FGF14: variants seen among roughly 807,000 people sequenced by gnomAD.
FGF14 encodes fibroblast growth factor 14.
Under a neutral mutation model 25.5 loss-of-function variants are expected in FGF14, and 5 were observed. The observed-to-expected ratio is 0.20, with a 90% CI of 0.10 to 0.41. The LOEUF is 0.41. Ranked by LOEUF, FGF14 falls within the 10% of genes least tolerant of loss-of-function variation. FGF14 has a pLI of 1.00. For synonymous variants in FGF14, 138 were observed against 118.3 expected, an observed-to-expected ratio of 1.17 and a Z score of -1.08; for missense variants, 222 against 320.1, an observed-to-expected ratio of 0.69 and a Z score of 2.34.
intron 3 of FGF14, among the ~76,000 whole-genome samples, chr13:101,747,555 A>G (rs1345941354): frequency 6.6e-6 from 1 of 152,044 alleles, no homozygotes; most frequent in African/African-American, 2.4e-5. Context: ...ATGATGAAGA[A>G]AACGACAAAA....
At chr13:101,985,110 A>G (rs2038499062) in intron 1 of FGF14, among the ~76,000 whole-genome samples, 1 of 151,468 alleles carries the variant, frequency 6.6e-6, no homozygotes, top group Admixed American at 6.6e-5. Context: ...AACAGCAACA[A>G]AAAATTATCT....
chr13:101,820,368 CAG>C (rs2042052142), intron 3 of FGF14, among the ~76,000 whole-genome samples: 1 of 151,928 alleles, frequency 6.6e-6, no homozygotes, highest in African/African-American at 2.4e-5. Flanking sequence ...TCATGGAAAA[CAG>C]ATTAAAATAA....
intron 1 of FGF14, among the ~76,000 whole-genome samples, chr13:102,291,760 T>G (rs1051181049): frequency 3.9e-5 from 6 of 152,128 alleles, no homozygotes; most frequent in African/African-American, 4.8e-5. Context: ...TACGTACACC[T>G]GAAAGGATTC....
intron 1 of FGF14, among the ~76,000 whole-genome samples, chr13:102,206,507 C>G (rs1373465456): frequency 2.0e-5 from 3 of 152,014 alleles, no homozygotes; most frequent in Non-Finnish European, 2.9e-5. Context: ...ATGATGAAAA[C>G]CTGTCTCCAC....
chr13:102,147,635 A>G (rs1265139338), intron 1 of FGF14, among the ~76,000 whole-genome samples: 2 of 152,210 alleles, frequency 1.3e-5, no homozygotes, highest in African/African-American at 4.8e-5. Context: ...ACTTTCTGGT[A>G]CTACCTATTT....
At chr13:102,072,399 A>G (rs1389168274) in intron 1 of FGF14, among the ~76,000 whole-genome samples, 4 of 152,198 alleles carry the variant, frequency 2.6e-5, no homozygotes, top group African/African-American at 4.8e-5. Flanking sequence ...ATGGAGGGCA[A>G]AGTATCACTC....
intron 1 of FGF14, among the ~76,000 whole-genome samples, chr13:102,208,943 G>T (rs76739986): frequency 1.3e-5 from 2 of 152,174 alleles, no homozygotes; most frequent in African/African-American, 4.8e-5. Context: ...AAATTTAAAT[G>T]ATTCTTTTCA....
chr13:102,227,818 G>T (rs1201923077), intron 1 of FGF14, among the ~76,000 whole-genome samples: 1 of 152,066 alleles, frequency 6.6e-6, no homozygotes, highest in African/African-American at 2.4e-5. Context: ...CATTGTGTTC[G>T]CAGAATAACA....
At chr13:101,904,126 G>A (rs901909891) in intron 1 of FGF14, among the ~76,000 whole-genome samples, 1 of 152,182 alleles carries the variant, frequency 6.6e-6, no homozygotes, top group African/African-American at 2.4e-5. Context: ...TGTTCAATGG[G>A]TTCATTGCAT....
At chr13:102,227,697 AG>A (rs550412557) in intron 1 of FGF14, among the ~76,000 whole-genome samples, 18 of 152,192 alleles carry the variant, frequency 1.2e-4, no homozygotes, top group Non-Finnish European at 2.2e-4. Flanking sequence ...CCTTCCCAAA[AG>A]GACTTCTTGC....
At chr13:101,985,743 A>G (rs1383414908) in intron 1 of FGF14, among the ~76,000 whole-genome samples, 3 of 152,154 alleles carry the variant, frequency 2.0e-5, no homozygotes, top group African/African-American at 4.8e-5. Context: ...AATAATTGCT[A>G]TTCAGTTTAC....
At chr13:101,916,292 C>A (rs1011195789) in intron 1 of FGF14, among the ~76,000 whole-genome samples, 161 bp downstream of exon 1, 1 of 152,224 alleles carries the variant, frequency 6.6e-6, no homozygotes, top group Non-Finnish European at 1.5e-5. Context: ...TGCCCGACAG[C>A]GGACTCCAGG....
chr13:101,812,886 C>T (rs1349493401), intron 3 of FGF14, among the ~76,000 whole-genome samples: 1 of 151,320 alleles, frequency 6.6e-6, no homozygotes, highest in Non-Finnish European at 1.5e-5. Flanking sequence ...AGGGTGGTCT[C>T]GAACTCCTGA....
intron 1 of FGF14, among the ~76,000 whole-genome samples, chr13:102,244,097 C>G (rs978184805): frequency 6.6e-5 from 10 of 152,178 alleles, no homozygotes; most frequent in Admixed American, 6.6e-4. Flanking sequence ...CCCCTAAATT[C>G]TAAGTTTTAA....
intron 1 of FGF14, among the ~76,000 whole-genome samples, chr13:102,153,244 G>C (rs1236969295): frequency 6.6e-6 from 1 of 152,206 alleles, no homozygotes; most frequent in African/African-American, 2.4e-5. Flanking sequence ...GTTCTGTTGA[G>C]AGAGAAAGAA....
At chr13:102,339,183 T>C (rs374548993) in intron 1 of FGF14, among the ~76,000 whole-genome samples, 1 of 151,906 alleles carries the variant, frequency 6.6e-6, no homozygotes, top group East Asian at 1.9e-4. Context: ...TATCAGAACA[T>C]CTCACGTACC....
At chr13:101,948,665 C>G (rs969689222) in intron 1 of FGF14, among the ~76,000 whole-genome samples, 1 of 151,378 alleles carries the variant, frequency 6.6e-6, no homozygotes, top group African/African-American at 2.4e-5. Context: ...ATAAGCTTCC[C>G]AATACATAAT....
At chr13:102,032,248 A>ATC (rs1284431524) in intron 1 of FGF14, among the ~76,000 whole-genome samples, 1 of 152,120 alleles carries the variant, frequency 6.6e-6, no homozygotes, top group Non-Finnish European at 1.5e-5. Context: ...CCCACTAAAT[A>ATC]GGGTTTCTAT....
rs530501261 is a variant in FGF14 at position 102,057,762 on chromosome 13, T to C, written c.209-182466A>G. Among the ~76,000 whole-genome samples, 15 of 152,296 alleles carry C rather than the reference T, an allele frequency of 9.8e-5. 1 individual carries two copies. The highest frequency in any genetic ancestry group is 3.6e-4 in the African/African-American group (15 of 41,578). ...AATATTTCTTGAATAAAGGAATAGA[T>C]AAATAAATGATAAATAAAGTGACTG... On this transcript the variant is annotated intron_variant, in intron 1 of 4. Coordinates refer to the FGF14 transcript ENST00000376131.
Sources: gnomAD v4.1 joint callset for allele counts (sites outside exome capture counted in the v4.1 genomes callset) on GRCh38, gnomAD v4.1.1 for gene constraint, MANE v1.5 for transcripts, NCBI Gene and HGNC (gene_info 2026-07-23, HGNC 2026-07-21) for gene names.